BNC2: variants seen among roughly 807,000 people sequenced by gnomAD.
BNC2 encodes zinc finger protein basonuclin-2.
A neutral mutation model predicts 76.3 loss-of-function variants in BNC2; 20 were observed. The ratio of observed to expected loss-of-function variants is 0.26; its 90% confidence interval spans 0.18 to 0.38. The LOEUF (loss-of-function observed/expected upper bound fraction) is 0.38, where lower values mean the gene tolerates loss of function less well. BNC2 is among the 10% of genes least tolerant of loss of function. BNC2 has a pLI of 1.00. For missense variants in BNC2, 1,382 were observed against 1,399.8 expected, an observed-to-expected ratio of 0.99 and a Z score of 0.20; for synonymous variants, 582 against 514.8, an observed-to-expected ratio of 1.13 and a Z score of -1.77.
At chr9:16,547,755 G>C (rs775863742) in intron 5 of BNC2, among the ~76,000 whole-genome samples, 6 of 152,142 alleles carry the variant, frequency 3.9e-5, no homozygotes, top group Non-Finnish European at 7.3e-5. Flanking sequence ...TGTGGGAGAA[G>C]AACTGAGTGT....
intron 5 of BNC2, among the ~76,000 whole-genome samples, chr9:16,519,253 G>A (rs1273395146): frequency 6.6e-6 from 1 of 152,236 alleles, no homozygotes. Flanking sequence ...ATAGGTATGA[G>A]GGGGTGATTC....
chr9:16,787,378 T>C (rs1826324441), intron 1 of BNC2, among the ~76,000 whole-genome samples: 1 of 152,210 alleles, frequency 6.6e-6, no homozygotes, highest in Non-Finnish European at 1.5e-5. Flanking sequence ...TCTAGAATTC[T>C]GAAAACAGCA....
chr9:16,430,267 T>A (rs77623845), intron 6 of BNC2, among the ~76,000 whole-genome samples: 12,660 of 152,236 alleles, frequency 0.083, 560 homozygotes, highest in Middle Eastern at 0.14. Context: ...AAGAGAATTT[T>A]AGAAATGGAG....
chr9:16,452,625 G>C (rs1449491588), intron 5 of BNC2, among the ~76,000 whole-genome samples: 3 of 152,084 alleles, frequency 2.0e-5, no homozygotes, highest in African/African-American at 7.2e-5. Flanking sequence ...GACCAGGCTG[G>C]TCTTGAACTT....
At chr9:16,582,764 G>A (rs73645997) in intron 4 of BNC2, among the ~76,000 whole-genome samples, 6,073 of 152,214 alleles carry the variant, frequency 0.04, 458 homozygotes, top group African/African-American at 0.14. Flanking sequence ...TTGGCCTTCT[G>A]CTGAGAGCTG....
intron 4 of BNC2, 107 bp from the exon 5 acceptor site, chr9:16,552,872 A>G: frequency 1.1e-6 from 1 of 878,080 alleles, no homozygotes. Flanking sequence ...CTCCATTTCT[A>G]CACATGAATG....
intron 3 of BNC2, among the ~76,000 whole-genome samples, chr9:16,605,472 G>C (rs951024492): frequency 2.0e-5 from 3 of 152,150 alleles, no homozygotes; most frequent in Non-Finnish European, 2.9e-5. Flanking sequence ...CAGGACTTCC[G>C]ATCAACTTCA....
At chr9:16,443,647 T>C (rs1821174298) in intron 5 of BNC2, among the ~76,000 whole-genome samples, 1 of 152,116 alleles carries the variant, frequency 6.6e-6, no homozygotes. Flanking sequence ...ATCTATACAA[T>C]GGAATAGTAC....
At chr9:16,669,408 C>A (rs1471530244) in intron 3 of BNC2, among the ~76,000 whole-genome samples, 1 of 152,206 alleles carries the variant, frequency 6.6e-6, no homozygotes, top group Non-Finnish European at 1.5e-5. Context: ...TCCCTCAGAT[C>A]AAGAGAAAGT....
intron 3 of BNC2, among the ~76,000 whole-genome samples, chr9:16,641,574 C>T (rs1821492627): frequency 6.6e-6 from 1 of 152,158 alleles, no homozygotes; most frequent in African/African-American, 2.4e-5. Flanking sequence ...AATTTCACCA[C>T]TAAAAATTTC....
intron 1 of BNC2, among the ~76,000 whole-genome samples, chr9:16,825,180 A>C (rs1290434486): frequency 6.6e-6 from 1 of 152,166 alleles, no homozygotes; most frequent in African/African-American, 2.4e-5. Context: ...CACAGCCCAA[A>C]TGCAACCACT....
chr9:16,497,597 A>G (rs923482638), intron 5 of BNC2, among the ~76,000 whole-genome samples: 4 of 152,194 alleles, frequency 2.6e-5, no homozygotes, highest in African/African-American at 9.6e-5. Context: ...GGGTATAAAT[A>G]AACAAATAGG....
chr9:16,780,277 T>G (rs1447403158), intron 1 of BNC2, among the ~76,000 whole-genome samples: 1 of 88,090 alleles, frequency 1.1e-5, no homozygotes, highest in East Asian at 2.9e-4. Flanking sequence ...CTACTGAAAC[T>G]AATAAAAACA....
At chr9:16,525,174 G>A (rs1817759492) in intron 5 of BNC2, among the ~76,000 whole-genome samples, 1 of 151,928 alleles carries the variant, frequency 6.6e-6, no homozygotes, top group Non-Finnish European at 1.5e-5. Flanking sequence ...AGTTCACATT[G>A]TTTTAAGGAC....
chr9:16,752,805 C>T (rs569802117), intron 1 of BNC2, among the ~76,000 whole-genome samples: 2 of 152,182 alleles, frequency 1.3e-5, no homozygotes, highest in South Asian at 2.1e-4. Context: ...TGAGCTGGCA[C>T]AGCCAATGCT....
intron 5 of BNC2, among the ~76,000 whole-genome samples, chr9:16,440,507 C>T (rs1027901833): frequency 2.6e-5 from 4 of 152,146 alleles, no homozygotes; most frequent in Non-Finnish European, 4.4e-5. Context: ...TCATATCTTC[C>T]CCAGGTTCTT....
chr9:16,419,459 A>C lies in BNC2; in HGVS notation c.2830T>G (p.Ser944Ala). The change falls in exon 7 of 7, where the codon TCC becomes GCC. Residue 944 changes from serine (S) to alanine (A), a missense_variant. Around this residue, in one of 3 missense-constraint regions of BNC2, gnomAD observed 798 missense variants for 775.5 expected, o/e 1.03. Transcript: ENST00000380672. Reference sequence around the variant, plus strand: ...CCTCTCCCATACCCGTTCAGGTGGGAGTCTTCAGTCCCTGCGGGAGAGGAG... The same window carrying C: ...CCTCTCCCATACCCGTTCAGGTGGGCGTCTTCAGTCCCTGCGGGAGAGGAG... ...DASSPAGTEDSHLNGYGRGMA... is the reference protein window; with the variant it reads ...DASSPAGTEDAHLNGYGRGMA... The C allele has an allele frequency of 1.2e-6, 2 of 1,613,364 alleles. No individual in the cohort carries two copies. Among genetic ancestry groups the C allele is most frequent in the Non-Finnish European group, 1.7e-6 (2 of 1,179,626 alleles).
chr9:16,679,169 C>T (rs2134270911), intron 3 of BNC2, among the ~76,000 whole-genome samples: 1 of 152,276 alleles, frequency 6.6e-6, no homozygotes, highest in South Asian at 2.1e-4. Flanking sequence ...ACACCTCCCA[C>T]CCACCTCACT....
rs1177132302 is a variant in BNC2 at position 16,623,979 on chromosome 9, C to T, written c.331-40894G>A. 3.9e-5 allele frequency among the ~76,000 whole-genome samples: 6 copies of T among 152,186 alleles called. No individual in the cohort carries two copies. In the South Asian group the frequency reaches 6.2e-4, roughly 16 times the overall value. On this transcript the variant is annotated intron_variant, in intron 3 of 6. Coordinates refer to ENST00000380672, the MANE Select transcript of BNC2 (RefSeq NM_017637.6). The stretch of plus-strand genomic sequence containing the variant: ...AAATCATATTGATCTCAAAAGATCA[C>T]TTCGTTCAATATTAAGTTTTAGCCT...
Sources: allele counts gnomAD v4.1 joint callset (sites outside exome capture counted in the v4.1 genomes callset), GRCh38; gene constraint gnomAD v4.1.1; regional missense constraint gnomAD v4.1.1; transcripts MANE v1.5; gene names NCBI Gene and HGNC (gene_info 2026-07-23, HGNC 2026-07-21).